Variants in FBXL17 observed in about 807,000 individuals in gnomAD.
FBXL17 encodes the protein F-box/LRR-repeat protein 17.
A neutral mutation model predicts 66.2 loss-of-function variants in FBXL17; 22 were observed. That is an observed-to-expected ratio of 0.33 (90% CI 0.24 to 0.47). The LOEUF is 0.47. FBXL17 is among the 20% of genes least tolerant of loss of function. The pLI, the probability that FBXL17 is intolerant of heterozygous loss-of-function variation, is 1.00. For synonymous variants in FBXL17, 474 were observed against 400.5 expected (o/e 1.18, Z -2.19); for missense variants, 878 against 948.2 (o/e 0.93, Z 0.97).
At chr5:108,275,308 T>C (rs1757440231) in intron 4 of FBXL17, among the ~76,000 whole-genome samples, 1 of 152,184 alleles carries the variant, frequency 6.6e-6, no homozygotes, top group South Asian at 2.1e-4. Flanking sequence ...TTTTGTTTTG[T>C]TTATTGTTTT....
intron 7 of FBXL17, among the ~76,000 whole-genome samples, chr5:107,972,898 C>T (rs1409060021): frequency 6.6e-6 from 1 of 152,104 alleles, no homozygotes; most frequent in Non-Finnish European, 1.5e-5. Flanking sequence ...TAATTATTTC[C>T]TAATTCCCTA....
chr5:108,211,019 G>A (rs1347274068), intron 5 of FBXL17, among the ~76,000 whole-genome samples: 2 of 152,164 alleles, frequency 1.3e-5, no homozygotes, highest in African/African-American at 4.8e-5. Flanking sequence ...ATATATTTAG[G>A]ATGGTTAGCT....
rs551143504 is a variant in FBXL17 at position 107,996,762 on chromosome 5, T to G, written c.1822+24163A>C. ...TGAGATCCAGAGAGATTAAAAAATG[T>G]GCCTGTCTTCACACAGATATTAAGA... On this transcript the variant is annotated intron_variant, in intron 7 of 8. Transcript: ENST00000542267. 3.9e-4 allele frequency among the ~76,000 whole-genome samples: 60 copies of G among 152,364 alleles called. 1 individual carries two copies. The highest frequency in any genetic ancestry group is 1.4e-3 in the African/African-American group (58 of 41,594).
intron 4 of FBXL17, among the ~76,000 whole-genome samples, chr5:108,232,930 T>C (rs1212553164): frequency 1.3e-5 from 2 of 151,156 alleles, no homozygotes; most frequent in African/African-American, 4.9e-5. Context: ...CACCAGTTGA[T>C]AAATACTTGA....
At chr5:107,874,883 A>G (rs1189837134) in intron 8 of FBXL17, among the ~76,000 whole-genome samples, 1 of 152,244 alleles carries the variant, frequency 6.6e-6, no homozygotes, top group African/African-American at 2.4e-5. Flanking sequence ...CTGTTTCATC[A>G]GCAAAAGGAA....
chr5:108,381,806 C>T lies in FBXL17; in HGVS notation c.-115G>A. 3.7e-6 allele frequency: 5 copies of T among 1,352,346 alleles called. No individual in the cohort carries two copies. Among genetic ancestry groups the T allele is most frequent in the Non-Finnish European group, 3.8e-6 (4 of 1,056,948 alleles). The allele number at this position is 1,352,346 out of a possible 1,614,324, so 83.8% of individuals were successfully genotyped here. A position where few individuals can be genotyped will look rare whatever the true frequency, so the allele number is the denominator to read the frequency against. On this transcript the variant is annotated 5_prime_UTR_variant, in exon 1 of 9. Transcript: ENST00000542267. ...TCGGCCCCCGGAGGGGTCGCCCTTCCTGCGCACACACACGCACACACGGGC... is the reference window on the plus strand; with the variant it reads ...TCGGCCCCCGGAGGGGTCGCCCTTCTTGCGCACACACACGCACACACGGGC...
At chr5:108,035,209 A>C (rs1247576463) in intron 6 of FBXL17, among the ~76,000 whole-genome samples, 1 of 152,196 alleles carries the variant, frequency 6.6e-6, no homozygotes, top group African/African-American at 2.4e-5. Context: ...AATAATTGCA[A>C]AGGAGAATAA....
chr5:108,302,239 C>A (rs1013572791), intron 4 of FBXL17, among the ~76,000 whole-genome samples: 1 of 151,744 alleles, frequency 6.6e-6, no homozygotes, highest in Non-Finnish European at 1.5e-5. Flanking sequence ...ATAAAGTCAT[C>A]ACTAGTCAAA....
chr5:107,917,516 C>G (rs1324020819), intron 7 of FBXL17, among the ~76,000 whole-genome samples: 2 of 152,236 alleles, frequency 1.3e-5, no homozygotes, highest in East Asian at 3.9e-4. Context: ...CACTTTCATG[C>G]AGATGATTTC....
At chr5:108,054,641 G>A (rs972665976) in intron 6 of FBXL17, among the ~76,000 whole-genome samples, 1 of 152,172 alleles carries the variant, frequency 6.6e-6, no homozygotes, top group Admixed American at 6.5e-5. Context: ...TTTCTGTGGT[G>A]CTTGCCTGGA....
At chr5:108,277,392 A>G (rs1380395084) in intron 4 of FBXL17, among the ~76,000 whole-genome samples, 1 of 152,212 alleles carries the variant, frequency 6.6e-6, no homozygotes, top group Non-Finnish European at 1.5e-5. Context: ...GGGGGAAAAA[A>G]TGTAACCTCC....
chr5:108,030,214 C>T (rs1455179228), intron 6 of FBXL17, among the ~76,000 whole-genome samples: 2 of 152,068 alleles, frequency 1.3e-5, no homozygotes, highest in African/African-American at 4.8e-5. Flanking sequence ...GTCCAGGTTG[C>T]TCTGCATGGA....
At chr5:108,022,894 A>G (rs1275696076) in intron 6 of FBXL17, among the ~76,000 whole-genome samples, 1 of 152,104 alleles carries the variant, frequency 6.6e-6, no homozygotes, top group African/African-American at 2.4e-5. Context: ...CTAAAAACTG[A>G]TAAAGGGTCA....
intron 7 of FBXL17, among the ~76,000 whole-genome samples, chr5:107,959,084 C>T (rs954920944): frequency 1.3e-5 from 2 of 152,080 alleles, no homozygotes; most frequent in African/African-American, 2.4e-5. Flanking sequence ...CCTTCTCTTA[C>T]ACGCACCACA....
intron 8 of FBXL17, among the ~76,000 whole-genome samples, chr5:107,863,715 A>C (rs1748198239): frequency 6.6e-6 from 1 of 152,224 alleles, no homozygotes; most frequent in Admixed American, 6.5e-5. Context: ...TACAAACTAC[A>C]AATAAAAAAT....
intron 4 of FBXL17, among the ~76,000 whole-genome samples, chr5:108,293,602 G>C (rs915472951): frequency 6.6e-6 from 1 of 152,056 alleles, no homozygotes; most frequent in African/African-American, 2.4e-5. Flanking sequence ...AAATAAACCA[G>C]ACTTGCTTGC....
At chr5:108,166,512 A>G (rs1752422403) in intron 6 of FBXL17, among the ~76,000 whole-genome samples, 1 of 152,332 alleles carries the variant, frequency 6.6e-6, no homozygotes, top group Non-Finnish European at 1.5e-5. Context: ...TTTAAAAAAT[A>G]CTCTAAGACA....
At chr5:108,377,474 G>A (rs554164039) in intron 1 of FBXL17, among the ~76,000 whole-genome samples, 34 of 152,218 alleles carry the variant, frequency 2.2e-4, no homozygotes, top group Non-Finnish European at 4.6e-4. Context: ...GTCTGACAGC[G>A]AAGCTGCTGG....
intron 4 of FBXL17, among the ~76,000 whole-genome samples, chr5:108,226,081 C>T (rs1372437371): frequency 6.6e-6 from 1 of 152,118 alleles, no homozygotes; most frequent in African/African-American, 2.4e-5. Flanking sequence ...TGTCTCACCA[C>T]ACTTTGATTT....
Sources: allele counts gnomAD v4.1 joint callset (sites outside exome capture counted in the v4.1 genomes callset), GRCh38; gene constraint gnomAD v4.1.1; transcripts MANE v1.5; gene names NCBI Gene and HGNC (gene_info 2026-07-23, HGNC 2026-07-21).